Variants in KCNMB4 observed in about 807,000 individuals in gnomAD.
KCNMB4 encodes potassium calcium-activated channel subfamily M regulatory beta subunit 4, also known as calcium-activated potassium channel subunit beta-4.
KCNMB4 carries 3 observed loss-of-function variants against 20.7 expected under a neutral mutation model. The ratio of observed to expected loss-of-function variants is 0.14; its 90% CI spans 0.07 to 0.37. KCNMB4 has a LOEUF of 0.37. Among genes scored for constraint, KCNMB4 ranks in the 10% least tolerant of loss-of-function variants. The pLI is 1.00. For synonymous variants in KCNMB4, 110 were observed against 113.4 expected, an observed-to-expected ratio of 0.97 and a Z score of 0.19; for missense variants, 168 against 265.9, an observed-to-expected ratio of 0.63 and a Z score of 2.56.
intron 1 of KCNMB4, among the ~76,000 whole-genome samples, chr12:70,367,549 G>T (rs181673400): frequency 6.6e-6 from 1 of 152,272 alleles, no homozygotes; most frequent in Admixed American, 6.5e-5. Flanking sequence ...TTGTGAGAGA[G>T]TTCCTCACCT....
chr12:70,380,124 T>A (rs1294484496), intron 1 of KCNMB4, among the ~76,000 whole-genome samples: 2 of 152,198 alleles, frequency 1.3e-5, no homozygotes, highest in African/African-American at 4.8e-5. Flanking sequence ...CAATGACTCT[T>A]CCTTTCACTT....
intron 2 of KCNMB4, among the ~76,000 whole-genome samples, chr12:70,403,549 G>A (rs1868515434): frequency 6.6e-6 from 1 of 152,146 alleles, no homozygotes; most frequent in Non-Finnish European, 1.5e-5. Flanking sequence ...AGCCAGGCTG[G>A]TCTTGAACTC....
rs764168247 is a variant in KCNMB4 at position 70,430,494 on chromosome 12, T to C, written c.474T>C (p.Asp158=). ...CTCCATTGTCTTGCAGACCAGATGA[T>C]GTGCTTCTGCATCGCACTCATGATG... ...CYFNQHQRPD[D]VLLHRTHDEI... The change falls in exon 3 of 3, where the codon GAT becomes GAC. Residue 158 remains aspartate, a synonymous_variant. Transcript: ENST00000258111. The C allele has an allele frequency of 8.1e-6, 13 of 1,613,262 alleles. No individual in the cohort carries two copies. Among genetic ancestry groups the C allele is most frequent in the Non-Finnish European group, 1.1e-5 (13 of 1,179,792 alleles).
intron 1 of KCNMB4, among the ~76,000 whole-genome samples, chr12:70,389,118 C>T (rs182879822): frequency 2.6e-5 from 4 of 152,026 alleles, no homozygotes; most frequent in Non-Finnish European, 4.4e-5. Context: ...TCTCTTTATT[C>T]TTTAAATAAA....
chr12:70,384,280 A>G (rs1365592314), intron 1 of KCNMB4, among the ~76,000 whole-genome samples: 1 of 152,220 alleles, frequency 6.6e-6, no homozygotes, highest in Non-Finnish European at 1.5e-5. Flanking sequence ...TGTAGCTTCT[A>G]AATTTCTCCA....
At chr12:70,389,082 C>T (rs1349361979) in intron 1 of KCNMB4, among the ~76,000 whole-genome samples, 1 of 151,890 alleles carries the variant, frequency 6.6e-6, no homozygotes, top group Admixed American at 6.6e-5. Context: ...AGCTTTCTTG[C>T]ACCACACCAT....
intron 2 of KCNMB4, among the ~76,000 whole-genome samples, chr12:70,417,907 C>T (rs901268475): frequency 2.0e-5 from 3 of 152,144 alleles, no homozygotes; most frequent in African/African-American, 7.2e-5. Flanking sequence ...CTGAGACCAC[C>T]GACCATTCTT....
intron 1 of KCNMB4, among the ~76,000 whole-genome samples, chr12:70,369,290 G>A (rs893870014): frequency 6.6e-6 from 1 of 152,092 alleles, no homozygotes; most frequent in Non-Finnish European, 1.5e-5. Flanking sequence ...TTCTCAATTT[G>A]GAAATTCTTA....
At chr12:70,398,857 C>T (rs1419270753) in intron 1 of KCNMB4, among the ~76,000 whole-genome samples, 1 of 152,122 alleles carries the variant, frequency 6.6e-6, no homozygotes, top group African/African-American at 2.4e-5. Flanking sequence ...TGTGTGTTTC[C>T]AGCTGTGATA....
At position 70,421,574 on chromosome 12, in the gene KCNMB4, T is replaced by TTTTATTTATTTA. The variant is rs200612643; in HGVS notation, c.465-8899_465-8888dup. 7.1e-3 allele frequency among the ~76,000 whole-genome samples: 1,059 copies of TTTTATTTATTTA among 150,024 alleles called. 11 individuals carry two copies. Among genetic ancestry groups the TTTTATTTATTTA allele is most frequent in the African/African-American group, 0.024 (984 of 40,840 alleles). ...TTACAAATGAGGAAACTCCAAGGGT[T>TTTTATTTATTTA]TTTATTTATTTATTTATTTATTTTT... On this transcript the variant is annotated intron_variant, in intron 2 of 2. Transcript: ENST00000258111.
At chr12:70,394,735 C>T (rs144928946) in intron 1 of KCNMB4, among the ~76,000 whole-genome samples, 3 of 152,224 alleles carry the variant, frequency 2.0e-5, no homozygotes, top group East Asian at 1.9e-4. Flanking sequence ...GGGACGATCA[C>T]GGCTCACTGC....
intron 2 of KCNMB4, among the ~76,000 whole-genome samples, chr12:70,419,099 A>G (rs1042694420): frequency 2.0e-5 from 3 of 152,172 alleles, no homozygotes; most frequent in African/African-American, 4.8e-5. Flanking sequence ...GTAGCCCTAT[A>G]TTATCAGACA....
At chr12:70,400,766 A>G (rs1345641869) in intron 2 of KCNMB4, among the ~76,000 whole-genome samples, 1 of 152,194 alleles carries the variant, frequency 6.6e-6, no homozygotes, top group Non-Finnish European at 1.5e-5. Context: ...CCATGTAAAG[A>G]TGGTTCCTTG....
At chr12:70,395,964 A>G (rs939639455) in intron 1 of KCNMB4, among the ~76,000 whole-genome samples, 2 of 152,352 alleles carry the variant, frequency 1.3e-5, no homozygotes, top group South Asian at 2.1e-4. Flanking sequence ...AATTACATCC[A>G]TGGCACCGGA....
At chr12:70,428,525 A>G (rs1212569282) in intron 2 of KCNMB4, among the ~76,000 whole-genome samples, 1 of 152,328 alleles carries the variant, frequency 6.6e-6, no homozygotes, top group East Asian at 1.9e-4. Flanking sequence ...TACCTGGGAA[A>G]AGAATCACGG....
At chr12:70,381,623 A>T (rs901318891) in intron 1 of KCNMB4, among the ~76,000 whole-genome samples, 2 of 152,230 alleles carry the variant, frequency 1.3e-5, no homozygotes, top group African/African-American at 4.8e-5. Context: ...CCACAAAAAA[A>T]CACACGTTAT....
At chr12:70,421,997 G>A (rs1335273722) in intron 2 of KCNMB4, among the ~76,000 whole-genome samples, 1 of 151,828 alleles carries the variant, frequency 6.6e-6, no homozygotes, top group African/African-American at 2.4e-5. Context: ...ATAAAATGAG[G>A]AGCCGCTGTT....
intron 1 of KCNMB4, among the ~76,000 whole-genome samples, chr12:70,385,931 C>T (rs1868253841): frequency 6.6e-6 from 1 of 152,114 alleles, no homozygotes; most frequent in Non-Finnish European, 1.5e-5. Context: ...TCTGTGAAAA[C>T]AGGTAACTTT....
chr12:70,382,336 G>T (rs1357500974), intron 1 of KCNMB4, among the ~76,000 whole-genome samples: 1 of 150,544 alleles, frequency 6.6e-6, no homozygotes, highest in African/African-American at 2.4e-5. Flanking sequence ...TGGAGGCTGA[G>T]GCAGGAGAAT....
Sources: gnomAD v4.1 joint callset for allele counts (sites outside exome capture counted in the v4.1 genomes callset) on GRCh38, gnomAD v4.1.1 for gene constraint, MANE v1.5 for transcripts, NCBI Gene and HGNC (gene_info 2026-07-23, HGNC 2026-07-21) for gene names.